Variants in POLR1C observed in about 807,000 individuals in gnomAD.
POLR1C encodes the protein DNA-directed RNA polymerases I and III subunit RPAC1.
POLR1C carries 42 observed loss-of-function variants against 38.3 expected under a neutral mutation model. The observed-to-expected ratio is 1.10, with a 90% CI of 0.86 to 1.42. The LOEUF (loss-of-function observed/expected upper bound fraction) is 1.42, where lower values mean the gene tolerates loss of function less well. POLR1C is among the 40% of genes most tolerant of loss of function. The pLI is 0.00. For missense variants in POLR1C, 507 were observed against 450.5 expected (o/e 1.13, Z -1.14); for synonymous variants, 163 against 163.9 (o/e 0.99, Z 0.04).
Position 43,521,029 on chromosome 6 carries a change from G to A in POLR1C, c.903G>A (p.Arg301=), listed in dbSNP as rs1395777722. 3 of 1,614,002 alleles carry A rather than the reference G, an allele frequency of 1.9e-6. No individual in the cohort carries two copies. Among genetic ancestry groups the A allele is most frequent in the Non-Finnish European group, 2.5e-6 (3 of 1,179,860 alleles). ...EKLKKVVRLA[R]VRDHYIFSVE... ...TAAAGAAGGTTGTGAGGCTTGCCCG[G>A]GTTCGAGATCATTATATCTGTGAGT... is the stretch of plus-strand genomic sequence containing the variant. Residue 301 remains arginine (R), a synonymous_variant, in exon 8 of 9, where the codon CGG becomes CGA. Coordinates refer to ENST00000642195, the MANE Select transcript of POLR1C (RefSeq NM_203290.4).
intron 9 of POLR1C, among the ~76,000 whole-genome samples, chr6:43,542,264 G>C (rs1018309802): frequency 2.6e-5 from 4 of 152,042 alleles, no homozygotes; most frequent in Admixed American, 2.6e-4. Context: ...GTGCTCAATA[G>C]TTTCATGTGG....
At position 43,520,630 on chromosome 6, in the gene POLR1C, G is replaced by C. The variant is rs1000346057; in HGVS notation, c.661G>C (p.Asp221His). 1 of 1,614,182 alleles carries C rather than the reference G, an allele frequency of 6.2e-7. No individual in the cohort carries two copies. The highest frequency in any genetic ancestry group is 1.3e-5 in the African/African-American group (1 of 75,046). ...CGTTCCCTCTTCCTCTCCAGGCAAA[G>C]ATCATGCCAAGTTTTCACCAGTGGC... ...LMHCVKGIGK[D>H]HAKFSPVATA... The change falls in exon 7 of 9, where the codon GAT becomes CAT. Residue 221 changes from aspartate to histidine, a missense_variant. Coordinates refer to ENST00000642195, the MANE Select transcript of POLR1C (RefSeq NM_203290.4).
In POLR1C at chr6:43,540,978, T is replaced by C. The variant is rs113968685; in HGVS notation, c.*5-9990T>C. Among the ~76,000 whole-genome samples, 56 of 152,276 alleles carry C rather than the reference T, an allele frequency of 3.7e-4. 1 individual carries two copies. Among genetic ancestry groups the C allele is most frequent in the Middle Eastern group, 3.4e-3 (1 of 294 alleles). On this transcript the variant is annotated intron_variant, in intron 9 of 10. Coordinates refer to the POLR1C transcript ENST00000607635. ...ATATGGATAGCACTGGAGGTCATTA[T>C]GCTAAATGAAATAAGCCAGGCACAG...
At chr6:43,528,620 A>C (rs750370349) in intron 8 of POLR1C, among the ~76,000 whole-genome samples, 1 of 152,152 alleles carries the variant, frequency 6.6e-6, no homozygotes, top group African/African-American at 2.4e-5. Flanking sequence ...TCTGCAACTG[A>C]AGCTGTCTTG....
intron 10 of POLR1C, among the ~76,000 whole-genome samples, chr6:43,554,700 G>A (rs1761949220): frequency 6.6e-6 from 1 of 152,126 alleles, no homozygotes; most frequent in Admixed American, 6.5e-5. Flanking sequence ...TAGGATTACA[G>A]GCGTGAGCCA....
At chr6:43,521,747 T>C (rs1793203010), downstream of POLR1C, among the ~76,000 whole-genome samples, 1 of 151,934 alleles carries the variant, frequency 6.6e-6, no homozygotes, top group African/African-American at 2.4e-5. Context: ...GTCAGGCTGG[T>C]GTCAAACTCC....
At chr6:43,557,455 T>A (rs1042475109) in intron 10 of POLR1C, among the ~76,000 whole-genome samples, 5 of 151,522 alleles carry the variant, frequency 3.3e-5, no homozygotes, top group African/African-American at 1.2e-4. Context: ...TACTGATAAA[T>A]GTTGTAACTT....
At chr6:43,556,028 T>G (rs1762063355) in intron 10 of POLR1C, 1 of 1,584,574 alleles carries the variant, frequency 6.3e-7, no homozygotes, top group Non-Finnish European at 8.6e-7. Flanking sequence ...AAGTACTTAA[T>G]GTTTATTAAT....
intron 10 of POLR1C, chr6:43,555,601 G>C (rs1762037352): frequency 3.0e-6 from 1 of 333,894 alleles, no homozygotes; most frequent in Non-Finnish European, 5.3e-6. Flanking sequence ...AATGGAAAAT[G>C]ATGGCAAAAC....
chr6:43,519,646 G>A (rs553738037), intron 3 of POLR1C, 60 bp from the exon 4 acceptor site: 38 of 1,612,452 alleles, frequency 2.4e-5, no homozygotes, highest in East Asian at 1.3e-4. Flanking sequence ...TTGGGGTTAC[G>A]GGGATAGGTA....
At chr6:43,528,691 C>T (rs758528004) in intron 8 of POLR1C, 2 of 779,366 alleles carry the variant, frequency 2.6e-6, no homozygotes, top group Non-Finnish European at 4.3e-6. Context: ...GGATAGTCAG[C>T]TGGGGTAGAA....
chr6:43,539,121 G>A, intron 9 of POLR1C: 2 of 1,222,434 alleles, frequency 1.6e-6, no homozygotes, highest in Non-Finnish European at 2.3e-6. Flanking sequence ...GCAGGGATGA[G>A]GCGCACCAGC....
chr6:43,526,400 G>A, downstream of POLR1C: 1 of 465,508 alleles, frequency 2.1e-6, no homozygotes. Flanking sequence ...TTTTTGATAG[G>A]TTGGTCATGG....
downstream of POLR1C, chr6:43,531,443 G>A (rs1199300980): frequency 6.3e-7 from 1 of 1,578,564 alleles, no homozygotes; most frequent in Non-Finnish European, 8.7e-7. Flanking sequence ...TACATATCGA[G>A]GAAGAAAATA....
intron 9 of POLR1C, chr6:43,547,523 A>G: frequency 7.7e-7 from 1 of 1,301,936 alleles, no homozygotes; most frequent in South Asian, 1.2e-5. Flanking sequence ...TATAGAAAAA[A>G]CAAATCTATG....
intron 10 of POLR1C, among the ~76,000 whole-genome samples, chr6:43,559,644 C>T (rs941855150): frequency 6.6e-6 from 1 of 152,216 alleles, no homozygotes; most frequent in African/African-American, 2.4e-5. Flanking sequence ...ATTGTATGGT[C>T]ACTGCTCTTG....
At chr6:43,538,405 C>G (rs1388469402) in intron 9 of POLR1C, among the ~76,000 whole-genome samples, 2 of 152,008 alleles carry the variant, frequency 1.3e-5, no homozygotes, top group African/African-American at 4.8e-5. Flanking sequence ...CTGCCTCGGC[C>G]TCCCAAACTG....
chr6:43,549,611 C>T (rs1561876458), intron 9 of POLR1C: 3 of 1,604,186 alleles, frequency 1.9e-6, no homozygotes, highest in Non-Finnish European at 2.6e-6. Flanking sequence ...CTCGGAGCTG[C>T]TTTTAATATA....
chr6:43,524,283 C>G, downstream of POLR1C, among the ~76,000 whole-genome samples: 1 of 148,284 alleles, frequency 6.7e-6, no homozygotes, highest in Non-Finnish European at 1.5e-5. Flanking sequence ...ACCTGGGAGG[C>G]GGAGGTTGTG....
Sources: allele counts gnomAD v4.1 joint callset (sites outside exome capture counted in the v4.1 genomes callset), GRCh38; gene constraint gnomAD v4.1.1; transcripts MANE v1.5; gene names NCBI Gene and HGNC (gene_info 2026-07-23, HGNC 2026-07-21).